Variants in AATF observed in about 807,000 individuals in gnomAD.
AATF encodes the protein apoptosis antagonizing transcription factor, also known as protein AATF.
A neutral mutation model predicts 63.7 loss-of-function variants in AATF; 48 were observed. That is an observed-to-expected ratio of 0.75 (90% CI 0.60 to 0.96). The LOEUF is 0.96. Among genes scored for constraint, AATF ranks in the 40% least tolerant of loss-of-function variants. The pLI is 0.00. For missense variants in AATF, 639 were observed against 685.7 expected, an observed-to-expected ratio of 0.93 and a Z score of 0.76; for synonymous variants, 258 against 247.7, an observed-to-expected ratio of 1.04 and a Z score of -0.39.
At chr17:36,960,511 A>G (rs1567965310) in intron 4 of AATF, among the ~76,000 whole-genome samples, 1 of 152,184 alleles carries the variant, frequency 6.6e-6, no homozygotes, top group Non-Finnish European at 1.5e-5. Context: ...TACAGTGATA[A>G]TCCTGTACCC....
chr17:36,972,070 G>A (rs2071043612), intron 4 of AATF, among the ~76,000 whole-genome samples: 1 of 152,068 alleles, frequency 6.6e-6, no homozygotes, highest in African/African-American at 2.4e-5. Flanking sequence ...TGGATTGAGG[G>A]AGGGGGTATA....
At chr17:37,033,277 A>G (rs1339227890) in intron 11 of AATF, among the ~76,000 whole-genome samples, 1 of 152,202 alleles carries the variant, frequency 6.6e-6, no homozygotes, top group Non-Finnish European at 1.5e-5. Flanking sequence ...ATTGCAGAGT[A>G]AAGTGAGTGC....
chr17:37,012,043 G>A (rs1196441107), intron 8 of AATF, among the ~76,000 whole-genome samples: 8 of 151,766 alleles, frequency 5.3e-5, no homozygotes, highest in African/African-American at 1.9e-4. Flanking sequence ...AATTGCAAGA[G>A]ACTTCTTTTG....
intron 4 of AATF, among the ~76,000 whole-genome samples, chr17:36,966,646 A>G (rs2070993748): frequency 6.6e-6 from 1 of 152,196 alleles, no homozygotes; most frequent in African/African-American, 2.4e-5. Flanking sequence ...TGTATAATTA[A>G]TAAGAGTATA....
intron 11 of AATF, 94 bp from the exon 12 acceptor site, chr17:37,056,507 G>GA: frequency 1.5e-6 from 2 of 1,298,628 alleles, no homozygotes; most frequent in Non-Finnish European, 2.2e-6. Context: ...TTCAACAGAA[G>GA]AAACAGAATG....
Position 36,999,434 on chromosome 17 carries a change from G to T in AATF, c.1398+8577G>T, listed in dbSNP as rs937304262. The stretch of plus-strand genomic sequence containing the variant: ...TAAATAGTATAAAATAAATGGTTCA[G>T]CTCCTCAGTCACACTAGTTATATTT... On this transcript the variant is annotated intron_variant, in intron 8 of 11. Coordinates refer to ENST00000619387, the MANE Select transcript of AATF (RefSeq NM_012138.4). Among the ~76,000 whole-genome samples, 3 of 152,166 alleles carry T rather than the reference G, an allele frequency of 2.0e-5. No homozygotes were observed. The South Asian group carries it at 6.2e-4, about 31-fold the overall frequency.
chr17:36,977,842 G>A (rs2071090553), intron 4 of AATF, among the ~76,000 whole-genome samples: 1 of 152,126 alleles, frequency 6.6e-6, no homozygotes, highest in Non-Finnish European at 1.5e-5. Flanking sequence ...GCTCAGTAGC[G>A]ATGCAGGTTG....
chr17:37,002,195 C>G (rs1314256366), intron 8 of AATF, among the ~76,000 whole-genome samples: 2 of 133,432 alleles, frequency 1.5e-5, no homozygotes, highest in African/African-American at 3.3e-5. Flanking sequence ...GAGGGAGACT[C>G]CGTCTCAAAA....
At chr17:37,051,051 A>G (rs1051187876) in intron 11 of AATF, 2 of 152,236 alleles carry the variant, frequency 1.3e-5, no homozygotes, top group Non-Finnish European at 2.9e-5. Flanking sequence ...CTGGGATTAC[A>G]TGAGCCACCA....
At chr17:36,990,093 AATAT>A (rs1358386487) in intron 7 of AATF, among the ~76,000 whole-genome samples, 1 of 140,738 alleles carries the variant, frequency 7.1e-6, no homozygotes, top group Non-Finnish European at 1.6e-5. Flanking sequence ...GCAAATAACA[AATAT>A]ATATGTATAA....
intron 10 of AATF, 79 bp from the exon 11 acceptor site, chr17:37,031,531 AGTTT>A: frequency 9.0e-7 from 1 of 1,115,222 alleles, no homozygotes; most frequent in Non-Finnish European, 1.4e-6. Flanking sequence ...TCAGTTCTGG[AGTTT>A]GTTAACTCAC....
At chr17:36,996,892 T>C (rs1183401433) in intron 8 of AATF, among the ~76,000 whole-genome samples, 5 of 152,354 alleles carry the variant, frequency 3.3e-5, no homozygotes, top group Admixed American at 2.6e-4. Context: ...ACTTGAGTAC[T>C]ACTACTTCGT....
At chr17:37,018,913 C>G in intron 8 of AATF, 92 bp from the exon 9 acceptor site, 1 of 1,013,642 alleles carries the variant, frequency 9.9e-7, no homozygotes, top group Non-Finnish European at 1.6e-6. Context: ...TTAGAGCTGT[C>G]ACTATGCCAT....
chr17:37,047,050 G>A (rs1252944059), intron 11 of AATF, among the ~76,000 whole-genome samples: 1 of 152,060 alleles, frequency 6.6e-6, no homozygotes, highest in East Asian at 1.9e-4. Flanking sequence ...CTCCAGCAAG[G>A]CAGAGAGCTC....
chr17:36,952,202 A>G lies in AATF; in HGVS notation c.284-684A>G, dbSNP rs535654919. On this transcript the variant is annotated intron_variant, in intron 2 of 11. Coordinates refer to ENST00000619387, the MANE Select transcript of AATF (RefSeq NM_012138.4). ...CTTATGCTTCATAAGTAAAATTATAATGTCTCCTTCTCCACATGATACCAT... is the reference window on the plus strand; with the variant it reads ...CTTATGCTTCATAAGTAAAATTATAGTGTCTCCTTCTCCACATGATACCAT... 2.0e-4 allele frequency among the ~76,000 whole-genome samples: 30 copies of G among 152,314 alleles called. No individual in the cohort carries two copies. In the Middle Eastern group the frequency reaches 0.014, roughly 69 times the overall value.
At chr17:37,007,759 C>T (rs2071353391) in intron 8 of AATF, among the ~76,000 whole-genome samples, 1 of 152,092 alleles carries the variant, frequency 6.6e-6, no homozygotes, top group Non-Finnish European at 1.5e-5. Flanking sequence ...TCTGGGCTTT[C>T]AAAGAAGGAT....
At chr17:36,994,474 T>C (rs9907525) in intron 8 of AATF, among the ~76,000 whole-genome samples, 1,766 of 152,356 alleles carry the variant, frequency 0.012, 37 homozygotes, top group African/African-American at 0.04. Flanking sequence ...GCTGAAAGCA[T>C]GAAGTATAGC....
chr17:36,988,648 T>C lies in AATF; in HGVS notation c.1077T>C (p.Phe359=), dbSNP rs2071188205. 2.5e-6 allele frequency: 4 copies of C among 1,614,140 alleles called. No individual in the cohort carries two copies. Among genetic ancestry groups the C allele is most frequent in the Non-Finnish European group, 3.4e-6 (4 of 1,180,028 alleles). The change falls in exon 6 of 12, where the codon TTT becomes TTC. Residue 359 remains phenylalanine, a synonymous_variant. Transcript: ENST00000619387. ...PSFMAKRFAD[F]TVYRNRTLQK... is the part of the protein sequence containing the mutation. The stretch of plus-strand genomic sequence containing the variant: ...TCATGGCAAAGCGCTTTGCCGACTT[T>C]ACAGTCTACAGGAACCGCACACTTC...
At chr17:37,029,395 C>T (rs953162159) in intron 10 of AATF, among the ~76,000 whole-genome samples, 2 of 152,118 alleles carry the variant, frequency 1.3e-5, no homozygotes, top group African/African-American at 4.8e-5. Flanking sequence ...AGGCACACAC[C>T]ACCACGCCCG....
Sources: allele counts gnomAD v4.1 joint callset (sites outside exome capture counted in the v4.1 genomes callset), GRCh38; gene constraint gnomAD v4.1.1; transcripts MANE v1.5; gene names NCBI Gene and HGNC (gene_info 2026-07-23, HGNC 2026-07-21).